Variants in DUSP22 observed in about 807,000 individuals in gnomAD.
DUSP22 encodes dual specificity protein phosphatase 22.
DUSP22 carries 24 observed loss-of-function variants against 24.5 expected under a neutral mutation model. That is an observed-to-expected ratio of 0.98 (90% CI 0.71 to 1.38). The LOEUF (loss-of-function observed/expected upper bound fraction) is 1.38, where lower values mean the gene tolerates loss of function less well. Among genes scored for constraint, DUSP22 ranks in the 40% most tolerant of loss-of-function variants. The pLI is 0.00. For missense variants in DUSP22, 330 were observed against 269.2 expected (o/e 1.23, Z -1.58); for synonymous variants, 160 against 106.4 (o/e 1.50, Z -3.10).
At chr6:302,764 T>C (rs773253849) in intron 1 of DUSP22, among the ~76,000 whole-genome samples, 3 of 152,284 alleles carry the variant, frequency 2.0e-5, no homozygotes, top group Non-Finnish European at 4.4e-5. Flanking sequence ...ATCCTGACAC[T>C]TGGTTAAGCC....
At position 350,371 on chromosome 6, in the gene DUSP22, C is replaced by A; in HGVS notation, c.*1420C>A. 2 of 1,066,888 alleles carry A rather than the reference C, an allele frequency of 1.9e-6. No homozygotes were observed. Among genetic ancestry groups the A allele is most frequent in the Non-Finnish European group, 2.3e-6 (2 of 881,274 alleles). The allele number at this position is 1,066,888 out of a possible 1,614,324, so 66.1% of individuals were successfully genotyped here. A position where few individuals can be genotyped will look rare whatever the true frequency, so the allele number is the denominator to read the frequency against. ...CTAGTCCTTTATACCGACTCAGATT[C>A]CTTAAGCATGCAGAGTCACTCGAAT... On this transcript the variant is annotated 3_prime_UTR_variant, in exon 7 of 7. Coordinates refer to ENST00000419235, the MANE Select transcript of DUSP22 (RefSeq NM_001286555.3).
In DUSP22 at chr6:351,117, G is replaced by A. The variant is rs531310369; in HGVS notation, c.*2166G>A. 8.0e-5 allele frequency: 49 copies of A among 611,820 alleles called. No homozygotes were observed. The highest frequency in any genetic ancestry group is 5.3e-4 in the African/African-American group (29 of 54,270). The allele number at this position is 611,820 out of a possible 1,614,324, so 37.9% of individuals were successfully genotyped here. On this transcript the variant is annotated 3_prime_UTR_variant, in exon 7 of 7. Coordinates refer to ENST00000419235, the MANE Select transcript of DUSP22 (RefSeq NM_001286555.3). ...TCGCTTGGATGCCTGTAAGGATCCC[G>A]GGAGCCTTGCCGCACTGCCTTGTGG...
At position 292,563 on chromosome 6, in the gene DUSP22, A is replaced by G; in HGVS notation, c.21+3A>G. Reference sequence around the variant, plus strand: ...CCATGGGGAATGGGATGAACAAGGTAACGTCTTCCCTCGTTCGCGCTGGGT... The same window carrying G: ...CCATGGGGAATGGGATGAACAAGGTGACGTCTTCCCTCGTTCGCGCTGGGT... On this transcript the variant is annotated splice_donor_region_variant and intron_variant, in intron 1 of 6. Transcript: ENST00000419235. 7 of 1,601,166 alleles carry G rather than the reference A, an allele frequency of 4.4e-6. No individual in the cohort carries two copies. The highest frequency in any genetic ancestry group is 6.0e-6 in the Non-Finnish European group (7 of 1,174,134).
At chr6:309,713 CACACAT>C (rs745745182) in intron 2 of DUSP22, among the ~76,000 whole-genome samples, 2,211 of 12,868 alleles carry the variant, frequency 0.17, 2 homozygotes, top group South Asian at 0.33. Context: ...CACACACACA[CACACAT>C]ACTATAAAGA....
At chr6:308,434 A>G (rs533258709) in intron 2 of DUSP22, among the ~76,000 whole-genome samples, 2 of 152,412 alleles carry the variant, frequency 1.3e-5, no homozygotes, top group Non-Finnish European at 2.9e-5. Context: ...TAAGCATTTT[A>G]TGCACTCTGA....
intron 3 of DUSP22, among the ~76,000 whole-genome samples, chr6:319,013 A>G (rs1244271527): frequency 6.6e-6 from 1 of 152,246 alleles, no homozygotes; most frequent in Non-Finnish European, 1.5e-5. Flanking sequence ...TTACATTTAT[A>G]TGCATGATAA....
At chr6:295,799 C>CAAA (rs61498181) in intron 1 of DUSP22, among the ~76,000 whole-genome samples, 4 of 137,964 alleles carry the variant, frequency 2.9e-5, no homozygotes, top group South Asian at 2.2e-4. Flanking sequence ...GACCCTGTTT[C>CAAA]AAAAAAAAAA....
intron 3 of DUSP22, among the ~76,000 whole-genome samples, chr6:313,172 G>A (rs981515423): frequency 2.0e-5 from 3 of 152,310 alleles, no homozygotes; most frequent in Non-Finnish European, 4.4e-5. Context: ...AACTGGTCAT[G>A]ATTGACTTCC....
intron 1 of DUSP22, among the ~76,000 whole-genome samples, chr6:295,345 G>A (rs1394872384): frequency 6.6e-6 from 1 of 152,296 alleles, no homozygotes; most frequent in Non-Finnish European, 1.5e-5. Flanking sequence ...CATCCCTGTG[G>A]TGGCTCTTCT....
chr6:307,479 A>G (rs1757862649), intron 2 of DUSP22, among the ~76,000 whole-genome samples: 1 of 152,306 alleles, frequency 6.6e-6, no homozygotes, highest in Non-Finnish European at 1.5e-5. Context: ...AAGAACCACA[A>G]ACAAACCCAG....
chr6:314,745 G>A (rs1215244306), intron 3 of DUSP22, among the ~76,000 whole-genome samples: 2 of 152,306 alleles, frequency 1.3e-5, no homozygotes, highest in Admixed American at 1.3e-4. Context: ...TATGTGATGT[G>A]CCTCCTACTG....
chr6:345,589 G>C (rs1030502878), intron 4 of DUSP22, among the ~76,000 whole-genome samples: 2 of 152,312 alleles, frequency 1.3e-5, no homozygotes, highest in Non-Finnish European at 2.9e-5. Flanking sequence ...ATAGCTACAA[G>C]AGAAGCTTTT....
intron 2 of DUSP22, among the ~76,000 whole-genome samples, chr6:305,813 T>C (rs1231285460): frequency 6.6e-6 from 1 of 152,304 alleles, no homozygotes; most frequent in Non-Finnish European, 1.5e-5. Flanking sequence ...CCAGACCATG[T>C]CATAGGCAGC....
intron 2 of DUSP22, 48 bp downstream of exon 2, chr6:304,709 A>C: frequency 1.2e-6 from 2 of 1,609,886 alleles, no homozygotes; most frequent in Non-Finnish European, 1.7e-6. Context: ...CATAACATAA[A>C]ATGTGTCATC....
chr6:346,026 T>C lies in DUSP22; in HGVS notation c.263+98T>C. On this transcript the variant is annotated intron_variant, in intron 5 of 6. Coordinates refer to ENST00000419235, the MANE Select transcript of DUSP22 (RefSeq NM_001286555.3). ...GTGTGTGAATAATGGTTTCACCTCCTAATAGTTTTCTGTAAACCCTGACTC... is the reference window on the plus strand; with the variant it reads ...GTGTGTGAATAATGGTTTCACCTCCCAATAGTTTTCTGTAAACCCTGACTC... The C allele has an allele frequency of 2.7e-6, 4 of 1,470,052 alleles. No individual in the cohort carries two copies. The South Asian group carries it at 3.5e-5, about 13-fold the overall frequency. 91.1% of individuals were successfully genotyped at this position (1,470,052 alleles called of 1,614,324 possible).
intron 3 of DUSP22, among the ~76,000 whole-genome samples, chr6:321,279 G>T (rs1457680561): frequency 1.1e-4 from 17 of 152,278 alleles, no homozygotes; most frequent in African/African-American, 4.1e-4. Context: ...GGAAAAGCAG[G>T]CTCAGAGCAG....
intron 3 of DUSP22, among the ~76,000 whole-genome samples, chr6:316,801 A>G (rs889323186): frequency 1.3e-5 from 2 of 152,312 alleles, no homozygotes; most frequent in African/African-American, 4.8e-5. Flanking sequence ...AGCTTCTAAC[A>G]TGAAGAACCT....
chr6:307,248 C>T (rs923001761), intron 2 of DUSP22, among the ~76,000 whole-genome samples: 2 of 152,296 alleles, frequency 1.3e-5, no homozygotes, highest in African/African-American at 2.4e-5. Flanking sequence ...TAAACAGTCA[C>T]TCCCTTCTTC....
At position 349,255 on chromosome 6, in the gene DUSP22, G is replaced by A; in HGVS notation, c.*304G>A. 2 of 1,338,598 alleles carry A rather than the reference G, an allele frequency of 1.5e-6. No homozygotes were observed. The highest frequency in any genetic ancestry group is 1.9e-6 in the Non-Finnish European group (2 of 1,040,836). 82.9% of individuals were successfully genotyped at this position (1,338,598 alleles called of 1,614,324 possible). A position where few individuals can be genotyped will look rare whatever the true frequency, so the allele number is the denominator to read the frequency against. ...TGTGGGTGACTAAGTGGATGCATGT[G>A]TGTGCCTGTGTGAGTGAGGGTATGT... On this transcript the variant is annotated 3_prime_UTR_variant, in exon 7 of 7. Coordinates refer to ENST00000419235, the MANE Select transcript of DUSP22 (RefSeq NM_001286555.3).
Sources: gnomAD v4.1 joint callset for allele counts (sites outside exome capture counted in the v4.1 genomes callset) on GRCh38, gnomAD v4.1.1 for gene constraint, MANE v1.5 for transcripts, NCBI Gene and HGNC (gene_info 2026-07-23, HGNC 2026-07-21) for gene names.